INTS1: variants seen among roughly 807,000 people sequenced by gnomAD.
INTS1 encodes integrator complex subunit 1.
INTS1 carries 137 observed loss-of-function variants against 241.6 expected under a neutral mutation model. The ratio of observed to expected loss-of-function variants is 0.57; its 90% confidence interval spans 0.49 to 0.65. INTS1 has a LOEUF of 0.65. INTS1 is among the 30% of genes least tolerant of loss of function. The probability of loss-of-function intolerance (pLI) is 0.00; values close to 1 mark genes in which losing one functional copy is unlikely to be tolerated. For synonymous variants in INTS1, 1,692 were observed against 1,337.8 expected (o/e 1.26, Z -5.78); for missense variants, 3,073 against 3,032.2 (o/e 1.01, Z -0.32).
intron 31 of INTS1, 135 bp from the exon 32 acceptor site, chr7:1,479,020 C>T: frequency 1.0e-6 from 1 of 1,000,714 alleles, no homozygotes; most frequent in Non-Finnish European, 1.4e-6. Flanking sequence ...CAACCTCATC[C>T]CGCCTCCTGT....
chr7:1,481,517 C>T lies in INTS1; in HGVS notation c.3704-29G>A, dbSNP rs994516179. 1 of 1,582,204 alleles carries T rather than the reference C, an allele frequency of 6.3e-7. No homozygotes were observed. Among genetic ancestry groups the T allele is most frequent in the Non-Finnish European group, 8.6e-7 (1 of 1,164,422 alleles). On this transcript the variant is annotated intron_variant, in intron 27 of 47. Transcript: ENST00000404767. The surrounding 1 kb of genome is among the most constrained non-coding windows in gnomAD (Gnocchi z 6.8). The stretch of plus-strand genomic sequence containing the variant: ...AGGGTGCACGCGCTCCGTAACGCCA[C>T]CCAAAACCCGGGCAATGCGCACTCG...
intron 16 of INTS1, among the ~76,000 whole-genome samples, chr7:1,491,098 G>A (rs1782526257): frequency 1.3e-5 from 2 of 152,246 alleles, no homozygotes. Context: ...AGACTCCGGA[G>A]ACTGATCACC....
rs1408939542 is a variant in INTS1 at position 1,478,769 on chromosome 7, C to T, written c.4446G>A (p.Arg1482=). 1 of 1,601,774 alleles carries T rather than the reference C, an allele frequency of 6.2e-7. No individual in the cohort carries two copies. The highest frequency in any genetic ancestry group is 1.1e-5 in the South Asian group (1 of 89,386). ...VEGGPLRAQL[R]MLASQASAGR... is the part of the protein sequence containing the mutation. ...CGGCTGAGGCCTGGCTGGCAAGCAT[C>T]CTGAGCTGTGCCCGCAGGGGCCCGC... The change falls in exon 32 of 48, where the codon AGG becomes AGA. Residue 1482 remains arginine (R), a synonymous_variant. Transcript: ENST00000404767.
intron 27 of INTS1, chr7:1,482,333 C>T (rs921195704): frequency 2.0e-5 from 9 of 447,586 alleles, no homozygotes; most frequent in African/African-American, 1.0e-4. Flanking sequence ...AAGACCCTCT[C>T]GGACGGGGCC....
intron 30 of INTS1, 135 bp from the exon 31 acceptor site, chr7:1,479,819 C>T: frequency 9.7e-7 from 1 of 1,032,930 alleles, no homozygotes; most frequent in African/African-American, 1.7e-5. Context: ...TAGCCCCCAC[C>T]TTGTGGCCTG....
intron 18 of INTS1, among the ~76,000 whole-genome samples, chr7:1,488,667 C>T (rs1020892530): frequency 3.9e-5 from 6 of 152,224 alleles, no homozygotes; most frequent in Non-Finnish European, 8.8e-5. Flanking sequence ...CACACACACT[C>T]CCCGTCCCTA....
chr7:1,473,709 G>C lies in INTS1; in HGVS notation c.5830-16C>G. The stretch of plus-strand genomic sequence containing the variant: ...TCCTGTAATTCTGCAAAGCAAAAGC[G>C]GCACCCTCGAGCTGCTCTGCCCCGC... On this transcript the variant is annotated splice_polypyrimidine_tract_variant and intron_variant, in intron 41 of 47. Transcript: ENST00000404767. 1.2e-6 allele frequency: 2 copies of C among 1,612,394 alleles called. No homozygotes were observed. Among genetic ancestry groups the C allele is most frequent in the Non-Finnish European group, 1.7e-6 (2 of 1,179,588 alleles).
rs755438734 is a variant in INTS1 at position 1,497,617 on chromosome 7, G to A, written c.1426-303C>T. On this transcript the variant is annotated intron_variant, in intron 10 of 47. Transcript: ENST00000404767. The surrounding 1 kb of genome is among the most constrained non-coding windows in gnomAD (Gnocchi z 5.3). The stretch of plus-strand genomic sequence containing the variant: ...GCGGCAAAGCCATAGAAGCGCGTGT[G>A]CCATCTCAGCCCACCCGTGCGCCAC... 5.3e-5 allele frequency among the ~76,000 whole-genome samples: 8 copies of A among 152,228 alleles called. No individual in the cohort carries two copies. The highest frequency in any genetic ancestry group is 8.8e-5 in the Non-Finnish European group (6 of 68,046).
chr7:1,472,384 C>T lies in INTS1; in HGVS notation c.6073G>A (p.Glu2025Lys), dbSNP rs1329147811. ...AGGGGCAAGGAGCCGGCTGAGCTCT[C>T]CTCTGGAAGACAGTGGCAGTGCTGC... is the stretch of plus-strand genomic sequence containing the variant. ...DRGLDEEGEEESSAGSLPLVS... is the reference protein window; with the variant it reads ...DRGLDEEGEEKSSAGSLPLVS... Residue 2025 changes from glutamate to lysine, a missense_variant and splice_region_variant, in exon 44 of 48, where the codon GAG becomes AAG. Physicochemically the swap from Glu to Lys is moderately conservative, Grantham distance 56 (BLOSUM62 1). Coordinates refer to ENST00000404767, the MANE Select transcript of INTS1 (RefSeq NM_001080453.3). 1.3e-6 allele frequency: 2 copies of T among 1,544,484 alleles called. No homozygotes were observed. Among genetic ancestry groups the T allele is most frequent in the Admixed American group, 1.9e-5 (1 of 51,612 alleles).
intron 43 of INTS1, among the ~76,000 whole-genome samples, chr7:1,472,794 C>CTGGTGGA (rs144511354): frequency 0.064 from 6,104 of 96,060 alleles, 416 homozygotes; most frequent in African/African-American, 0.2. Flanking sequence ...CGGACAAGCA[C>CTGGTGGA]TGGTGGATGG....
In INTS1 at chr7:1,491,061, C is replaced by T. The variant is rs534024917; in HGVS notation, c.2166-1379G>A. Among the ~76,000 whole-genome samples, 3 of 152,348 alleles carry T rather than the reference C, an allele frequency of 2.0e-5. No homozygotes were observed. The East Asian group carries it at 5.8e-4, about 29-fold the overall frequency. On this transcript the variant is annotated intron_variant, in intron 16 of 47. Coordinates refer to ENST00000404767, the MANE Select transcript of INTS1 (RefSeq NM_001080453.3). ...ACCAACAGAATGAAGTGGGGCCCCA[C>T]CAAACACCACACACCAAGTGGATGA... is the stretch of plus-strand genomic sequence containing the variant.
chr7:1,490,259 C>T (rs989172790), intron 16 of INTS1, among the ~76,000 whole-genome samples: 6 of 152,170 alleles, frequency 3.9e-5, no homozygotes, highest in Non-Finnish European at 7.3e-5. Flanking sequence ...TTCCGAAGTG[C>T]GTCCGACCAA....
At chr7:1,475,128 C>T (rs1167294865) in intron 39 of INTS1, among the ~76,000 whole-genome samples, 1 of 152,230 alleles carries the variant, frequency 6.6e-6, no homozygotes, top group African/African-American at 2.4e-5. Flanking sequence ...TCACGCCTGC[C>T]ATCCCAGCAC....
Position 1,486,727 on chromosome 7 carries a change from T to A in INTS1, c.2874A>T (p.Leu958=). 6.2e-7 allele frequency: 1 copy of A among 1,612,598 alleles called. No individual in the cohort carries two copies. Among genetic ancestry groups the A allele is most frequent in the African/African-American group, 1.3e-5 (1 of 75,056 alleles). ...TCTGCTCATCAGCCTTCGGGCCCAG[T>A]AGCAGGTCCTGCAGGCGGCCCAGCA... ...RQLLGRLQDL[L]LGPKADEQTT... is the part of the protein sequence containing the mutation. Residue 958 remains leucine, a synonymous_variant, in exon 22 of 48, where the codon CTA becomes CTT. Coordinates refer to ENST00000404767, the MANE Select transcript of INTS1 (RefSeq NM_001080453.3).
rs549843857 is a variant in INTS1 at position 1,470,386 on chromosome 7, C to G, written c.*191G>C. 1 of 525,210 alleles carries G rather than the reference C, an allele frequency of 1.9e-6. No individual in the cohort carries two copies. The highest frequency in any genetic ancestry group is 3.3e-6 in the Non-Finnish European group (1 of 299,590). The allele number at this position is 525,210 out of a possible 1,614,324, so 32.5% of individuals were successfully genotyped here. On this transcript the variant is annotated 3_prime_UTR_variant, in exon 48 of 48. Transcript: ENST00000404767. ...GGTGAATGAGGGCTTGCTGGACGGC[C>G]CCTGATGCCAGCGGCCGGCCCGGAG...
intron 36 of INTS1, 28 bp from the exon 37 acceptor site, chr7:1,476,685 C>G (rs768531940): frequency 6.2e-7 from 1 of 1,612,414 alleles, no homozygotes; most frequent in East Asian, 2.2e-5. Context: ...TTCCAGAGCA[C>G]GAGGTGTCTC....
chr7:1,470,522 G>C lies in INTS1; in HGVS notation c.*55C>G, dbSNP rs567231638. On this transcript the variant is annotated 3_prime_UTR_variant, in exon 48 of 48. Coordinates refer to ENST00000404767, the MANE Select transcript of INTS1 (RefSeq NM_001080453.3). ...CCACGCTTCCTGGGCTTTGCCTCGA[G>C]GATCCCCGGGGACGGGACGGGCCGG... is the stretch of plus-strand genomic sequence containing the variant. 3 of 1,356,082 alleles carry C rather than the reference G, an allele frequency of 2.2e-6. No homozygotes were observed. The highest frequency in any genetic ancestry group is 3.0e-6 in the Non-Finnish European group (3 of 999,922). 84.0% of individuals were successfully genotyped at this position (1,356,082 alleles called of 1,614,324 possible). A position where few individuals can be genotyped will look rare whatever the true frequency, so the allele number is the denominator to read the frequency against.
Position 1,478,851 on chromosome 7 carries a change from A to G in INTS1, c.4364T>C (p.Leu1455Pro). ...CVPQDTGFSS[L>P]FLKVLLQMLQ... ...CATCTGCAGGAGCACCTTCAGGAAG[A>G]GCGAGGAGAAGCCGGTGTCCTGTGG... The change falls in exon 32 of 48, where the codon CTC becomes CCC. Residue 1455 changes from leucine (L) to proline (P), a missense_variant. Leu to Pro is a moderately conservative substitution (Grantham distance 98). Coordinates refer to ENST00000404767, the MANE Select transcript of INTS1 (RefSeq NM_001080453.3). 1 of 1,610,678 alleles carries G rather than the reference A, an allele frequency of 6.2e-7. No homozygotes were observed. The highest frequency in any genetic ancestry group is 8.5e-7 in the Non-Finnish European group (1 of 1,178,684).
At chr7:1,471,326 C>T in intron 45 of INTS1, 102 bp from the exon 46 acceptor site, 4 of 1,215,470 alleles carry the variant, frequency 3.3e-6, no homozygotes, top group Non-Finnish European at 4.7e-6. Context: ...ACGGCAGGGA[C>T]CCTAGGCCCC....
Sources: gnomAD v4.1 joint callset for allele counts (sites outside exome capture counted in the v4.1 genomes callset) on GRCh38, gnomAD v4.1.1 for gene constraint, Gnocchi (gnomAD v3.1) non-coding constraint, MANE v1.5 for transcripts, NCBI Gene and HGNC (gene_info 2026-07-23, HGNC 2026-07-21) for gene names.